PRLR: variants seen among roughly 807,000 people sequenced by gnomAD.
PRLR encodes the protein prolactin receptor, also known as hPRL receptor.
PRLR carries 13 observed loss-of-function variants against 40.2 expected under a neutral mutation model. That is an observed-to-expected ratio of 0.32 (90% CI 0.21 to 0.51). The LOEUF (loss-of-function observed/expected upper bound fraction) is 0.51. Among genes scored for constraint, PRLR ranks in the 20% least tolerant of loss-of-function variants. The pLI is 0.97. For missense variants in PRLR, 656 were observed against 747.3 expected (o/e 0.88, Z 1.42); for synonymous variants, 269 against 278.7 (o/e 0.97, Z 0.35).
chr5:35,218,397 T>G (rs1776336627), intron 1 of PRLR, among the ~76,000 whole-genome samples: 1 of 151,640 alleles, frequency 6.6e-6, no homozygotes, highest in Non-Finnish European at 1.5e-5. Flanking sequence ...TCTTATATAA[T>G]TAAAATATAT....
At chr5:35,216,838 T>G (rs1311649463) in intron 1 of PRLR, among the ~76,000 whole-genome samples, 2 of 152,208 alleles carry the variant, frequency 1.3e-5, no homozygotes, top group Non-Finnish European at 2.9e-5. Context: ...CCAAAGACAC[T>G]GTTAGGCACT....
In PRLR at chr5:35,063,774, C is replaced by A. The variant is rs1471663852; in HGVS notation, c.*1315G>T. 2 of 152,132 alleles carry A rather than the reference C, an allele frequency of 1.3e-5. No homozygotes were observed. The highest frequency in any genetic ancestry group is 3.8e-4 in the East Asian group (2 of 5,196). The allele number at this position is 152,132 out of a possible 1,614,324, so 9.4% of individuals were successfully genotyped here. On this transcript the variant is annotated 3_prime_UTR_variant, in exon 10 of 10. Coordinates refer to ENST00000618457, the MANE Select transcript of PRLR (RefSeq NM_000949.7). ...CAGCTGTTAGAAATCGTCGCCCTCC[C>A]TTTTTATGGTAGCTTTAGGAAGATT...
intron 1 of PRLR, among the ~76,000 whole-genome samples, chr5:35,182,027 A>T (rs66492157): frequency 0.011 from 1,632 of 151,968 alleles, 36 homozygotes; most frequent in African/African-American, 0.038. Context: ...TTTTTTTTAC[A>T]TGAGAAAGAC....
intron 2 of PRLR, among the ~76,000 whole-genome samples, chr5:35,113,364 C>A (rs1455133572): frequency 7.5e-6 from 1 of 132,544 alleles, no homozygotes; most frequent in Non-Finnish European, 1.6e-5. Flanking sequence ...CATCTATCAA[C>A]CTACCCACCC....
At chr5:35,127,422 C>T (rs930067) in intron 1 of PRLR, among the ~76,000 whole-genome samples, 7,699 of 152,286 alleles carry the variant, frequency 0.051, 238 homozygotes, top group African/African-American at 0.078. Flanking sequence ...TTACATCATC[C>T]TGCAAACCCC....
At chr5:35,067,652 C>T (rs1046723105) in intron 9 of PRLR, among the ~76,000 whole-genome samples, 17 of 152,204 alleles carry the variant, frequency 1.1e-4, no homozygotes, top group African/African-American at 4.1e-4. Context: ...AAATTTAAAA[C>T]TGTTCTAACC....
At chr5:35,225,672 C>A in intron 1 of PRLR, among the ~76,000 whole-genome samples, 1 of 152,048 alleles carries the variant, frequency 6.6e-6, no homozygotes, top group Admixed American at 6.6e-5. Context: ...AAAATTGAGA[C>A]AGTTTACTTT....
chr5:35,079,395 C>A (rs967014212), intron 5 of PRLR, among the ~76,000 whole-genome samples: 2 of 152,176 alleles, frequency 1.3e-5, no homozygotes, highest in Non-Finnish European at 2.9e-5. Flanking sequence ...AAGTCACAAG[C>A]ATTCCTATAC....
At chr5:35,157,121 T>C (rs1263740693) in intron 1 of PRLR, among the ~76,000 whole-genome samples, 2 of 152,092 alleles carry the variant, frequency 1.3e-5, no homozygotes, top group Non-Finnish European at 2.9e-5. Flanking sequence ...AGGAAGCTGT[T>C]GTCCTGCCTG....
chr5:35,066,806 C>A (rs1201011687), intron 9 of PRLR, among the ~76,000 whole-genome samples: 1 of 148,996 alleles, frequency 6.7e-6, no homozygotes, highest in Non-Finnish European at 1.5e-5. Flanking sequence ...CTCTGTTGCC[C>A]AGGCTGGAGT....
chr5:35,207,823 T>C (rs72734585), intron 1 of PRLR, among the ~76,000 whole-genome samples: 1 of 152,028 alleles, frequency 6.6e-6, no homozygotes, highest in Non-Finnish European at 1.5e-5. Context: ...TAGAGTTTAC[T>C]TGGGAGGACG....
chr5:35,079,716 GC>G (rs894782510), intron 5 of PRLR, among the ~76,000 whole-genome samples: 22 of 152,130 alleles, frequency 1.4e-4, no homozygotes, highest in African/African-American at 5.3e-4. Context: ...CCAAAAAAGA[GC>G]CCGTATTGCC....
intron 1 of PRLR, among the ~76,000 whole-genome samples, chr5:35,179,967 C>T (rs1425446209): frequency 6.6e-6 from 1 of 152,142 alleles, no homozygotes; most frequent in African/African-American, 2.4e-5. Flanking sequence ...AATAATTATA[C>T]AACTCACCAT....
At chr5:35,188,128 T>A (rs55932267) in intron 1 of PRLR, among the ~76,000 whole-genome samples, 7,484 of 152,286 alleles carry the variant, frequency 0.049, 219 homozygotes, top group Middle Eastern at 0.13. Context: ...CCCAGCTCCG[T>A]CAGGAACTTG....
At chr5:35,069,781 G>A (rs547156819) in intron 7 of PRLR, among the ~76,000 whole-genome samples, 19 of 152,340 alleles carry the variant, frequency 1.2e-4, no homozygotes, top group African/African-American at 4.6e-4. Flanking sequence ...TTGAGACACG[G>A]TACTGCCTTA....
intron 1 of PRLR, among the ~76,000 whole-genome samples, chr5:35,179,854 G>A (rs759272593): frequency 6.6e-6 from 1 of 152,092 alleles, no homozygotes; most frequent in African/African-American, 2.4e-5. Flanking sequence ...ATTTTTCCAT[G>A]GACTGGGACG....
At position 35,060,930 on chromosome 5, in the gene PRLR, A is replaced by G. The variant is rs1769000860; in HGVS notation, c.*4159T>C. 6.6e-6 allele frequency: 1 copy of G among 152,196 alleles called. No homozygotes were observed. The highest frequency in any genetic ancestry group is 2.4e-5 in the African/African-American group (1 of 41,448). 9.4% of individuals were successfully genotyped at this position (152,196 alleles called of 1,614,324 possible). On this transcript the variant is annotated 3_prime_UTR_variant, in exon 10 of 10. Transcript: ENST00000618457. ...TCTCAAATCACAGGGTGGCAGGTTTATCCCCAAATCACAGCCAGCCTCAAT... is the reference window on the plus strand; with the variant it reads ...TCTCAAATCACAGGGTGGCAGGTTTGTCCCCAAATCACAGCCAGCCTCAAT...
intron 4 of PRLR, 128 bp downstream of exon 4, chr5:35,086,080 T>G: frequency 8.6e-7 from 1 of 1,169,202 alleles, no homozygotes; most frequent in South Asian, 1.5e-5. Flanking sequence ...AGACTCCCCT[T>G]TCCCCGGTGG....
intron 1 of PRLR, among the ~76,000 whole-genome samples, chr5:35,143,887 G>C (rs928217345): frequency 3.4e-5 from 5 of 149,232 alleles, no homozygotes; most frequent in Admixed American, 6.8e-5. Context: ...AGAATAATAT[G>C]AGTATGACAA....
Sources: gnomAD v4.1 joint callset for allele counts (sites outside exome capture counted in the v4.1 genomes callset) on GRCh38, gnomAD v4.1.1 for gene constraint, MANE v1.5 for transcripts, NCBI Gene and HGNC (gene_info 2026-07-23, HGNC 2026-07-21) for gene names.